NR3C1: variants seen among roughly 807,000 people sequenced by gnomAD.
NR3C1 encodes the protein nuclear receptor subfamily 3 group C member 1, also known as glucocorticoid receptor.
Under a neutral mutation model 74.0 loss-of-function variants are expected in NR3C1, and 14 were observed. The observed-to-expected ratio is 0.19, with a 90% CI of 0.12 to 0.30. The LOEUF (loss-of-function observed/expected upper bound fraction) is 0.30. Among genes scored for constraint, NR3C1 ranks in the 10% least tolerant of loss-of-function variants. NR3C1 has a pLI of 1.00. For missense variants in NR3C1, 695 were observed against 909.8 expected, an observed-to-expected ratio of 0.76 and a Z score of 3.04; for synonymous variants, 308 against 332.5, an observed-to-expected ratio of 0.93 and a Z score of 0.80.
intron 2 of NR3C1, among the ~76,000 whole-genome samples, chr5:143,342,848 G>A (rs1828504786): frequency 6.6e-6 from 1 of 152,144 alleles, no homozygotes; most frequent in Non-Finnish European, 1.5e-5. Context: ...GAATATCAAA[G>A]GACCTTTAGA....
chr5:143,383,943 C>T (rs995404039), intron 2 of NR3C1, among the ~76,000 whole-genome samples: 1 of 152,098 alleles, frequency 6.6e-6, no homozygotes, highest in Admixed American at 6.5e-5. Flanking sequence ...TGTATTATTC[C>T]GTTTTCACAC....
intron 1 of NR3C1, among the ~76,000 whole-genome samples, chr5:143,422,682 A>T (rs1337078068): frequency 6.6e-6 from 1 of 152,216 alleles, no homozygotes; most frequent in Non-Finnish European, 1.5e-5. Context: ...TCCTCACCAG[A>T]TAACAGTTCT....
At chr5:143,404,107 C>G, upstream of NR3C1, 1 of 985,412 alleles carries the variant, frequency 1.0e-6, no homozygotes, top group African/African-American at 1.7e-5. Context: ...TCGCTCTGCC[C>G]CTTGGCGGCA....
At chr5:143,378,475 G>A (rs988913505) in intron 2 of NR3C1, among the ~76,000 whole-genome samples, 1 of 152,098 alleles carries the variant, frequency 6.6e-6, no homozygotes, top group Admixed American at 6.5e-5. Flanking sequence ...GGTAGCTATG[G>A]TGCGGAAAAA....
chr5:143,386,358 A>C (rs1600483817), intron 2 of NR3C1, among the ~76,000 whole-genome samples: 2 of 152,318 alleles, frequency 1.3e-5, no homozygotes, highest in South Asian at 4.1e-4. Flanking sequence ...AAGGGTGTTT[A>C]TTAGAAACTT....
rs577303052 is a variant in NR3C1, at chr5:143,318,034, A to G, written c.1185-3866T>C. ...TAGCTGACTTAACTTCTTTGAGTCC[A>G]TTCCCTTATTAGTGCCATTTTAGGG... On this transcript the variant is annotated intron_variant, in intron 2 of 8. Transcript: ENST00000394464. 5.3e-4 allele frequency among the ~76,000 whole-genome samples: 80 copies of G among 152,146 alleles called. 1 individual carries two copies. Among genetic ancestry groups the G allele is most frequent in the Non-Finnish European group, 9.3e-4 (63 of 68,022 alleles).
At chr5:143,343,250 C>T (rs73797549) in intron 2 of NR3C1, among the ~76,000 whole-genome samples, 36 of 152,292 alleles carry the variant, frequency 2.4e-4, no homozygotes, top group African/African-American at 8.2e-4. Context: ...TTTCTATCAC[C>T]AACTCACAGG....
At position 143,280,718 on chromosome 5, in the gene NR3C1, A is replaced by T. The variant is rs1245358110; in HGVS notation, c.*1171T>A. On this transcript the variant is annotated 3_prime_UTR_variant, in exon 9 of 9. Coordinates refer to ENST00000394464, the MANE Select transcript of NR3C1 (RefSeq NM_000176.3). ...GGAAAGATTAACCAATTGGTGACAG[A>T]TGGGAATGTGAAAATGGGTGTCTAG... 1.3e-5 allele frequency: 2 copies of T among 152,496 alleles called. No homozygotes were observed. The highest frequency in any genetic ancestry group is 2.4e-5 in the African/African-American group (1 of 41,446). 9.4% of individuals were successfully genotyped at this position (152,496 alleles called of 1,614,324 possible).
chr5:143,432,702 T>C (rs1312447154), intron 1 of NR3C1, among the ~76,000 whole-genome samples: 1 of 152,244 alleles, frequency 6.6e-6, no homozygotes, highest in Non-Finnish European at 1.5e-5. Flanking sequence ...ACTCAACTTC[T>C]GTGGCTACTT....
At chr5:143,359,446 T>A (rs189667895) in intron 2 of NR3C1, among the ~76,000 whole-genome samples, 1 of 152,156 alleles carries the variant, frequency 6.6e-6, no homozygotes, top group African/African-American at 2.4e-5. Context: ...TCCTCAACCA[T>A]CCTCAACAAA....
At chr5:143,313,755 G>A (rs1421325580) in intron 3 of NR3C1, among the ~76,000 whole-genome samples, 2 of 152,056 alleles carry the variant, frequency 1.3e-5, no homozygotes, top group African/African-American at 4.8e-5. Context: ...TTCTTATAGT[G>A]TTACCTTATG....
intron 2 of NR3C1, among the ~76,000 whole-genome samples, chr5:143,368,943 G>C (rs1050457636): frequency 2.0e-5 from 3 of 152,170 alleles, no homozygotes; most frequent in Admixed American, 6.5e-5. Context: ...CACATAGTGA[G>C]AAGGCTGAGC....
At chr5:143,425,369 T>A (rs1751476187) in intron 1 of NR3C1, among the ~76,000 whole-genome samples, 1 of 152,018 alleles carries the variant, frequency 6.6e-6, no homozygotes, top group East Asian at 1.9e-4. Flanking sequence ...TTCATCACAA[T>A]GAAAAACTAT....
In NR3C1 at chr5:143,295,328, A is replaced by G. The variant is rs377575550; in HGVS notation, c.2023+132T>C. 291 of 1,413,158 alleles carry G rather than the reference A, an allele frequency of 2.1e-4. 4 individuals are homozygous for G. The South Asian group carries it at 4.1e-3, about 20-fold the overall frequency. The allele number at this position is 1,413,158 out of a possible 1,614,324, so 87.5% of individuals were successfully genotyped here. ...GCCTTTCTAATATTTTACATTCATA[A>G]AAATCATCTGACTAGTAGGAAATAA... On this transcript the variant is annotated intron_variant, in intron 7 of 8. Coordinates refer to ENST00000394464, the MANE Select transcript of NR3C1 (RefSeq NM_000176.3).
rs1837714839 is a variant in NR3C1 at position 143,388,735 on chromosome 5, C to A, written c.1184+10921G>T. ...TTTTCCTCAGATTTGGGCTTATACA[C>A]TGGGGAGCCCAGAAAGAGGATTATT... On this transcript the variant is annotated intron_variant, in intron 2 of 8. Coordinates refer to ENST00000394464, the MANE Select transcript of NR3C1 (RefSeq NM_000176.3). Among the ~76,000 whole-genome samples the A allele has an allele frequency of 2.0e-5, 3 of 152,288 alleles. No individual in the cohort carries two copies. In the South Asian group the frequency reaches 6.2e-4, roughly 32 times the overall value.
At position 143,280,332 on chromosome 5, in the gene NR3C1, A is replaced by C. The variant is rs1488939070; in HGVS notation, c.*1557T>G. Reference sequence around the variant, plus strand: ...TCCCTTCCCAGATTAGTGAATACCAATATGATATATATCTGAAACTATAAC... The same window carrying C: ...TCCCTTCCCAGATTAGTGAATACCACTATGATATATATCTGAAACTATAAC... On this transcript the variant is annotated 3_prime_UTR_variant, in exon 9 of 9. Transcript: ENST00000394464. The C allele has an allele frequency of 1.3e-5, 2 of 152,618 alleles. No homozygotes were observed. Among genetic ancestry groups the C allele is most frequent in the African/African-American group, 4.8e-5 (2 of 41,468 alleles). 9.5% of individuals were successfully genotyped at this position (152,618 alleles called of 1,614,324 possible).
At chr5:143,395,675 A>G (rs1600562139) in intron 2 of NR3C1, among the ~76,000 whole-genome samples, 1 of 152,028 alleles carries the variant, frequency 6.6e-6, no homozygotes, top group East Asian at 1.9e-4. Context: ...CATTAAAGTA[A>G]AAAAGAATGT....
At chr5:143,348,169 T>C (rs1439079292) in intron 2 of NR3C1, among the ~76,000 whole-genome samples, 1 of 152,228 alleles carries the variant, frequency 6.6e-6, no homozygotes, top group African/African-American at 2.4e-5. Flanking sequence ...TCAGCTCGTG[T>C]TTCCGGTAGC....
chr5:143,343,373 C>A (rs1003208795), intron 2 of NR3C1, among the ~76,000 whole-genome samples: 1 of 152,208 alleles, frequency 6.6e-6, no homozygotes, highest in African/African-American at 2.4e-5. Flanking sequence ...ATAGTCTCCT[C>A]GGGACTTTCT....
Sources: gnomAD v4.1 joint callset for allele counts (sites outside exome capture counted in the v4.1 genomes callset) on GRCh38, gnomAD v4.1.1 for gene constraint, MANE v1.5 for transcripts, NCBI Gene and HGNC (gene_info 2026-07-23, HGNC 2026-07-21) for gene names.